Variants in CEP128 observed in about 807,000 individuals in gnomAD.
CEP128 encodes the protein centrosomal protein 128.
Under a neutral mutation model 156.7 loss-of-function variants are expected in CEP128, and 132 were observed. The observed-to-expected ratio is 0.84, with a 90% CI of 0.73 to 0.97. The LOEUF (loss-of-function observed/expected upper bound fraction) is 0.97. Ranked by LOEUF, CEP128 falls within the 50% of genes least tolerant of loss-of-function variation. The probability of loss-of-function intolerance (pLI) is 0.00; values close to 1 mark genes in which losing one functional copy is unlikely to be tolerated. For missense variants in CEP128, 1,252 were observed against 1,281.9 expected (o/e 0.98, Z 0.36); for synonymous variants, 469 against 448.9 (o/e 1.04, Z -0.57).
chr14:80,560,211 A>G (rs1415548723), intron 20 of CEP128, among the ~76,000 whole-genome samples: 1 of 152,180 alleles, frequency 6.6e-6, no homozygotes, highest in East Asian at 1.9e-4. Flanking sequence ...AGATCACATG[A>G]GGCCAGGAGT....
intron 10 of CEP128, among the ~76,000 whole-genome samples, chr14:80,839,755 T>C (rs1054722070): frequency 6.6e-6 from 1 of 152,140 alleles, no homozygotes; most frequent in African/African-American, 2.4e-5. Flanking sequence ...TTAAAAATTA[T>C]ACATGTGGCT....
At chr14:80,537,208 A>T (rs967416386) in intron 21 of CEP128, among the ~76,000 whole-genome samples, 1 of 152,206 alleles carries the variant, frequency 6.6e-6, no homozygotes, top group Non-Finnish European at 1.5e-5. Context: ...TGAAATACAG[A>T]ATCTGCCATT....
chr14:80,650,194 C>T (rs962574112), intron 19 of CEP128, among the ~76,000 whole-genome samples: 89 of 152,236 alleles, frequency 5.8e-4, no homozygotes, highest in African/African-American at 1.9e-3. Flanking sequence ...AATGGGAGTT[C>T]ACTCATGATC....
intron 2 of CEP128, among the ~76,000 whole-genome samples, chr14:80,923,145 A>T (rs1263774475): frequency 2.0e-5 from 3 of 152,194 alleles, no homozygotes; most frequent in African/African-American, 7.2e-5. Flanking sequence ...GCTCCCAACA[A>T]ATCAGTATTT....
intron 2 of CEP128, among the ~76,000 whole-genome samples, chr14:80,923,847 C>A (rs1278605199): frequency 6.6e-6 from 1 of 152,102 alleles, no homozygotes; most frequent in East Asian, 1.9e-4. Context: ...TAGTGAGAGA[C>A]CTGATGGGAG....
chr14:80,770,816 T>C (rs327472), intron 16 of CEP128, among the ~76,000 whole-genome samples: 99,824 of 151,964 alleles, frequency 0.66, 33,211 homozygotes, highest in East Asian at 0.78. Context: ...CTAAAAATGG[T>C]CTAAAGTGTA....
chr14:80,851,669 A>T (rs1415608786), intron 9 of CEP128, among the ~76,000 whole-genome samples: 1 of 152,120 alleles, frequency 6.6e-6, no homozygotes, highest in Admixed American at 6.6e-5. Flanking sequence ...TAAATAAGAT[A>T]AAAACACTTT....
intron 4 of CEP128, among the ~76,000 whole-genome samples, chr14:80,908,216 T>C (rs918263030): frequency 6.6e-6 from 1 of 152,178 alleles, no homozygotes; most frequent in Non-Finnish European, 1.5e-5. Flanking sequence ...ATCCATAGCT[T>C]AATAAATTTC....
chr14:80,955,359 CG>C (rs1594883476), intron 2 of CEP128: 1 of 416,902 alleles, frequency 2.4e-6, no homozygotes, highest in Non-Finnish European at 4.3e-6. Context: ...GGTGGGGGGG[CG>C]GGCTGGAAAA....
chr14:80,585,223 T>C (rs1489046933), intron 19 of CEP128, among the ~76,000 whole-genome samples: 11 of 152,254 alleles, frequency 7.2e-5, no homozygotes, highest in Admixed American at 7.2e-4. Context: ...GTTTCTGCTT[T>C]ACATTTCTCT....
At chr14:80,698,763 C>T (rs1267621084) in intron 19 of CEP128, among the ~76,000 whole-genome samples, 1 of 151,714 alleles carries the variant, frequency 6.6e-6, no homozygotes, top group East Asian at 1.9e-4. Flanking sequence ...TCTATATTAC[C>T]CAAACCCCAT....
At chr14:80,621,021 C>T (rs1595101844) in intron 19 of CEP128, among the ~76,000 whole-genome samples, 1 of 152,170 alleles carries the variant, frequency 6.6e-6, no homozygotes, top group South Asian at 2.1e-4. Context: ...CATCTAAAGC[C>T]TGAGGGAAAG....
Position 80,592,834 on chromosome 14 carries a change from G to A in CEP128, c.2807-12411C>T, listed in dbSNP as rs552795321. ...AGTCGGCTTCAACCCTGGGATGCAA[G>A]GCTGGTTCAGCATACACAAATCAAT... On this transcript the variant is annotated intron_variant, in intron 19 of 24. Coordinates refer to ENST00000555265, the MANE Select transcript of CEP128 (RefSeq NM_152446.5). Among the ~76,000 whole-genome samples, 22 of 152,254 alleles carry A rather than the reference G, an allele frequency of 1.4e-4. No individual in the cohort carries two copies. In the East Asian group the frequency reaches 4.2e-3, roughly 29 times the overall value.
intron 19 of CEP128, among the ~76,000 whole-genome samples, chr14:80,730,323 T>C (rs1898215505): frequency 6.6e-6 from 1 of 152,204 alleles, no homozygotes; most frequent in South Asian, 2.1e-4. Context: ...CTTAGCTACA[T>C]CTTCCCAACT....
intron 19 of CEP128, among the ~76,000 whole-genome samples, chr14:80,646,612 A>C (rs955789394): frequency 6.6e-6 from 1 of 152,076 alleles, no homozygotes; most frequent in African/African-American, 2.4e-5. Flanking sequence ...CATACTTACA[A>C]AATGAGATCA....
intron 23 of CEP128, among the ~76,000 whole-genome samples, chr14:80,520,086 A>AT (rs1256457783): frequency 6.6e-6 from 1 of 152,196 alleles, no homozygotes; most frequent in Non-Finnish European, 1.5e-5. Context: ...AACTATGCAA[A>AT]TTTACCATTG....
At chr14:80,730,205 T>C (rs1230681230) in intron 19 of CEP128, among the ~76,000 whole-genome samples, 1 of 152,202 alleles carries the variant, frequency 6.6e-6, no homozygotes, top group East Asian at 1.9e-4. Context: ...AATCATACTA[T>C]ATAGAGGTCT....
chr14:80,728,430 TAATGAA>T (rs1898101488), intron 19 of CEP128, among the ~76,000 whole-genome samples: 2 of 152,102 alleles, frequency 1.3e-5, no homozygotes, highest in Non-Finnish European at 2.9e-5. Context: ...ACTATCATAG[TAATGAA>T]ATCATTTGTA....
At chr14:80,760,499 G>A (rs1899906265) in intron 17 of CEP128, among the ~76,000 whole-genome samples, 1 of 152,022 alleles carries the variant, frequency 6.6e-6, no homozygotes, top group Non-Finnish European at 1.5e-5. Context: ...CATTCTAGAA[G>A]AGGAAAAAGA....
Sources: allele counts gnomAD v4.1 joint callset (sites outside exome capture counted in the v4.1 genomes callset), GRCh38; gene constraint gnomAD v4.1.1; transcripts MANE v1.5; gene names NCBI Gene and HGNC (gene_info 2026-07-23, HGNC 2026-07-21).